The following NXPE2 variants were observed in gnomAD, a reference collection of about 807,000 sequenced individuals.
NXPE2 encodes neurexophilin and PC-esterase domain family member 2.
A neutral mutation model predicts 34.4 loss-of-function variants in NXPE2; 34 were observed. The observed-to-expected ratio is 0.99, with a 90% CI of 0.75 to 1.31. The LOEUF (loss-of-function observed/expected upper bound fraction) is 1.31. Among genes scored for constraint, NXPE2 ranks in the 40% most tolerant of loss-of-function variants. NXPE2 has a pLI of 0.00. For missense variants in NXPE2, 649 were observed against 672.5 expected (o/e 0.97, Z 0.39); for synonymous variants, 235 against 231.3 (o/e 1.02, Z -0.15).
chr11:114,560,145 C>T, the NXPE2 span, among the ~76,000 whole-genome samples: 1 of 152,056 alleles, frequency 6.6e-6, no homozygotes, highest in Non-Finnish European at 1.5e-5. Context: ...GTAAAAATAC[C>T]CCAAGTGACT....
chr11:114,663,621 C>CTA, the NXPE2 span, among the ~76,000 whole-genome samples: 4 of 97,158 alleles, frequency 4.1e-5, no homozygotes, highest in Non-Finnish European at 8.9e-5. Flanking sequence ...ATCTATCTAT[C>CTA]TATCTATCTA....
chr11:114,599,261 G>A, the NXPE2 span, among the ~76,000 whole-genome samples: 37,488 of 151,942 alleles, frequency 0.25, 5,553 homozygotes, highest in Middle Eastern at 0.35. Flanking sequence ...CCTTTACTCC[G>A]ATTCCCAGTA....
chr11:114,762,999 C>T, the NXPE2 span, among the ~76,000 whole-genome samples: 5 of 152,076 alleles, frequency 3.3e-5, no homozygotes, highest in Non-Finnish European at 7.4e-5. Flanking sequence ...ACTGGTTTTC[C>T]TGCTTCAAAT....
the NXPE2 span, among the ~76,000 whole-genome samples, chr11:114,767,293 C>T: frequency 3.3e-5 from 5 of 152,134 alleles, no homozygotes; most frequent in Non-Finnish European, 5.9e-5. Flanking sequence ...CTGATGATAT[C>T]ACTAGATTGA....
chr11:114,489,045 GA>G, the NXPE2 span, among the ~76,000 whole-genome samples: 29 of 152,212 alleles, frequency 1.9e-4, no homozygotes, highest in Non-Finnish European at 3.4e-4. Flanking sequence ...TGATCCTCCA[GA>G]AATACAAATT....
At chr11:114,772,297 G>C in the NXPE2 span, among the ~76,000 whole-genome samples, 2 of 152,012 alleles carry the variant, frequency 1.3e-5, no homozygotes, top group East Asian at 3.9e-4. Flanking sequence ...TAACACATTC[G>C]TGGTAATTAG....
chr11:114,492,374 A>G, the NXPE2 span, among the ~76,000 whole-genome samples: 2,931 of 152,186 alleles, frequency 0.019, 31 homozygotes, highest in Non-Finnish European at 0.03. Flanking sequence ...TTTCAGTTTT[A>G]AAAAAGTCTT....
the NXPE2 span, among the ~76,000 whole-genome samples, chr11:114,787,713 GTATC>G: frequency 2.6e-5 from 4 of 152,116 alleles, no homozygotes; most frequent in Admixed American, 6.6e-5. Context: ...TACTATGTAT[GTATC>G]TATCTATCTA....
the NXPE2 span, among the ~76,000 whole-genome samples, chr11:114,539,076 C>G: frequency 2.0e-5 from 3 of 152,260 alleles, no homozygotes; most frequent in East Asian, 3.9e-4. Flanking sequence ...AAATGTGGCA[C>G]ATATACACAT....
intron 2 of NXPE2, among the ~76,000 whole-genome samples, chr11:114,694,085 G>T (rs1346670587): frequency 6.6e-6 from 1 of 152,098 alleles, no homozygotes; most frequent in South Asian, 2.1e-4. Context: ...GAGTGACATT[G>T]GTCTAAATCT....
At chr11:114,621,703 T>G in the NXPE2 span, among the ~76,000 whole-genome samples, 4 of 151,630 alleles carry the variant, frequency 2.6e-5, no homozygotes, top group African/African-American at 9.7e-5. Context: ...CCACTGTTAC[T>G]CAGTGGATCA....
the NXPE2 span, among the ~76,000 whole-genome samples, chr11:114,735,582 T>C: frequency 1.3e-5 from 2 of 152,212 alleles, no homozygotes; most frequent in Non-Finnish European, 1.5e-5. Flanking sequence ...GCTTAGTACA[T>C]AGGAATCAAT....
the NXPE2 span, among the ~76,000 whole-genome samples, chr11:114,804,964 C>CA: frequency 2.1e-3 from 323 of 152,260 alleles, 5 homozygotes; most frequent in Admixed American, 0.019. Context: ...CCTTATGAAA[C>CA]TCCCAGGGGA....
chr11:114,685,709 C>A (rs573973114), intron 2 of NXPE2, among the ~76,000 whole-genome samples: 1 of 152,150 alleles, frequency 6.6e-6, no homozygotes, highest in African/African-American at 2.4e-5. Flanking sequence ...TGAAATTGAG[C>A]ATTAAATGCT....
chr11:114,493,840 T>C, the NXPE2 span, among the ~76,000 whole-genome samples: 6 of 152,064 alleles, frequency 3.9e-5, no homozygotes, highest in Admixed American at 2.0e-4. Flanking sequence ...ATTTACCCCC[T>C]TTTTTTTCCA....
chr11:114,584,256 T>C, the NXPE2 span: 1 of 477,596 alleles, frequency 2.1e-6, no homozygotes, highest in South Asian at 1.7e-5. Flanking sequence ...ATGATTACTT[T>C]GAATACTTTG....
At chr11:114,581,789 T>C in the NXPE2 span, 1 of 1,602,544 alleles carries the variant, frequency 6.2e-7, no homozygotes, top group South Asian at 1.1e-5. Flanking sequence ...CATTTGACCT[T>C]AAAGACACAA....
the NXPE2 span, among the ~76,000 whole-genome samples, chr11:114,745,705 T>C: frequency 6.6e-6 from 1 of 152,222 alleles, no homozygotes; most frequent in East Asian, 1.9e-4. Context: ...TGACTTTAAA[T>C]TCCATGAGAA....
At chr11:114,808,958 A>C in the NXPE2 span, among the ~76,000 whole-genome samples, 1 of 152,318 alleles carries the variant, frequency 6.6e-6, no homozygotes, top group South Asian at 2.1e-4. Flanking sequence ...AACACCGGCA[A>C]ACTGAATCCA....
Sources: gnomAD v4.1 joint callset for allele counts (sites outside exome capture counted in the v4.1 genomes callset) on GRCh38, gnomAD v4.1.1 for gene constraint, MANE v1.5 for transcripts, NCBI Gene and HGNC (gene_info 2026-07-23, HGNC 2026-07-21) for gene names.